The following SH3PXD2A variants were observed in gnomAD, a reference collection of about 807,000 sequenced individuals.
The protein encoded by SH3PXD2A is SH3 and PX domains 2A.
SH3PXD2A carries 32 observed loss-of-function variants against 115.2 expected under a neutral mutation model. The observed-to-expected ratio is 0.28, with a 90% CI of 0.21 to 0.37. The LOEUF (loss-of-function observed/expected upper bound fraction) is 0.37. SH3PXD2A is among the 10% of genes least tolerant of loss of function. The pLI is 1.00. For missense variants in SH3PXD2A, 1,328 were observed against 1,498.7 expected (o/e 0.89, Z 1.88); for synonymous variants, 610 against 629.1 (o/e 0.97, Z 0.45).
At chr10:103,836,583 C>A in intron 1 of SH3PXD2A, among the ~76,000 whole-genome samples, 1 of 151,722 alleles carries the variant, frequency 6.6e-6, no homozygotes, top group East Asian at 1.9e-4. Context: ...ACACATCCAA[C>A]ACACACAGTC....
At chr10:103,663,726 G>A (rs1429894069) in intron 7 of SH3PXD2A, among the ~76,000 whole-genome samples, 1 of 152,238 alleles carries the variant, frequency 6.6e-6, no homozygotes. Flanking sequence ...ACCTAGGGCA[G>A]ACGGCAATGG....
At chr10:103,834,199 C>T (rs2134307646) in intron 1 of SH3PXD2A, among the ~76,000 whole-genome samples, 1 of 152,336 alleles carries the variant, frequency 6.6e-6, no homozygotes, top group Non-Finnish European at 1.5e-5. Context: ...AGAGGCCAGC[C>T]CTGCAAGGGC....
intron 3 of SH3PXD2A, among the ~76,000 whole-genome samples, chr10:103,761,196 AT>A (rs1177598169): frequency 6.6e-6 from 1 of 152,192 alleles, no homozygotes; most frequent in East Asian, 1.9e-4. Flanking sequence ...TTGTGCCAAT[AT>A]TAATTTCCTG....
chr10:103,609,680 T>A (rs1162199217), intron 13 of SH3PXD2A: 1 of 152,188 alleles, frequency 6.6e-6, no homozygotes, highest in Non-Finnish European at 1.5e-5. Context: ...GATTGTATAT[T>A]TTTGCTTCAA....
intron 5 of SH3PXD2A, among the ~76,000 whole-genome samples, chr10:103,707,186 A>G (rs980592106): frequency 2.7e-5 from 4 of 149,222 alleles, no homozygotes; most frequent in Non-Finnish European, 5.9e-5. Context: ...TAGCCATGGC[A>G]CTATATATTT....
intron 6 of SH3PXD2A, among the ~76,000 whole-genome samples, chr10:103,687,994 G>A (rs1200026072): frequency 6.6e-6 from 1 of 152,114 alleles, no homozygotes; most frequent in Non-Finnish European, 1.5e-5. Flanking sequence ...CCATCTAATA[G>A]TACATTCTTC....
At chr10:103,768,894 G>A (rs1280192959) in intron 2 of SH3PXD2A, among the ~76,000 whole-genome samples, 1 of 152,092 alleles carries the variant, frequency 6.6e-6, no homozygotes, top group Admixed American at 6.5e-5. Context: ...AAGGGGAGTG[G>A]GCATGTGCAG....
intron 5 of SH3PXD2A, among the ~76,000 whole-genome samples, chr10:103,710,152 G>T (rs1024078176): frequency 3.3e-5 from 5 of 151,776 alleles, no homozygotes; most frequent in African/African-American, 1.2e-4. Context: ...CAGCACTTTG[G>T]GAGGCCAAGG....
chr10:103,760,904 A>G (rs2038693650), intron 3 of SH3PXD2A, among the ~76,000 whole-genome samples: 1 of 152,176 alleles, frequency 6.6e-6, no homozygotes. Context: ...TTGCTTTGCA[A>G]CAGGATTTAT....
chr10:103,732,864 C>G (rs994378392), intron 4 of SH3PXD2A, among the ~76,000 whole-genome samples: 1 of 152,170 alleles, frequency 6.6e-6, no homozygotes, highest in African/African-American at 2.4e-5. Context: ...GGACTGCACA[C>G]GGCACTGTGC....
intron 2 of SH3PXD2A, among the ~76,000 whole-genome samples, chr10:103,800,690 G>A (rs2039138386): frequency 6.6e-6 from 1 of 152,156 alleles, no homozygotes; most frequent in Non-Finnish European, 1.5e-5. Flanking sequence ...GGCATCAAGG[G>A]GGGTGTCTGC....
chr10:103,608,592 T>G (rs1272627295), intron 13 of SH3PXD2A: 1 of 151,188 alleles, frequency 6.6e-6, no homozygotes, highest in African/African-American at 2.4e-5. Flanking sequence ...GTGATTTTTC[T>G]TCATCAAAAT....
In SH3PXD2A at chr10:103,602,377, G is replaced by A. The variant is rs1250577687; in HGVS notation, c.2841C>T (p.Pro947=). 1.9e-6 allele frequency: 3 copies of A among 1,613,750 alleles called. No individual in the cohort carries two copies. The highest frequency in any genetic ancestry group is 2.5e-6 in the Non-Finnish European group (3 of 1,179,954). The change falls in exon 15 of 15, where the codon CCC becomes CCT. Residue 947 remains proline, a synonymous_variant. Coordinates refer to ENST00000369774, the MANE Select transcript of SH3PXD2A (RefSeq NM_001394015.1). ...NTVNQSKKAT[P]PIPSKPPGGF... Reference sequence around the variant, plus strand: ...CCCCGGGAGGTTTGGAGGGGATGGGGGGCGTGGCCTTCTTGCTCTGGTTGA... The same window carrying A: ...CCCCGGGAGGTTTGGAGGGGATGGGAGGCGTGGCCTTCTTGCTCTGGTTGA...
chr10:103,735,716 CCAGATACACTCTCA>C lies in SH3PXD2A; in HGVS notation c.306+2_306+15del. ...CCCTCCCCGAGCCCCTCCCCCAGCC[CCAGATACACTCTCA>C]CCCGGCAGTATTCATCGATGGGCTT... On this transcript the variant is annotated splice_donor_variant and splice_donor_5th_base_variant and intron_variant, in intron 4 of 14. Coordinates refer to ENST00000369774, the MANE Select transcript of SH3PXD2A (RefSeq NM_001394015.1). LOFTEE classifies it high-confidence loss of function. 6.3e-7 allele frequency: 1 copy of C among 1,594,190 alleles called. No individual in the cohort carries two copies. Among genetic ancestry groups the C allele is most frequent in the Non-Finnish European group, 8.6e-7 (1 of 1,162,790 alleles).
chr10:103,794,564 G>A (rs759765624), intron 2 of SH3PXD2A, among the ~76,000 whole-genome samples: 3 of 152,168 alleles, frequency 2.0e-5, no homozygotes, highest in Non-Finnish European at 4.4e-5. Flanking sequence ...CTGGAAACGT[G>A]GTCCAGCCAC....
chr10:103,719,215 G>A (rs187076745), intron 5 of SH3PXD2A, among the ~76,000 whole-genome samples: 117 of 152,368 alleles, frequency 7.7e-4, no homozygotes, highest in African/African-American at 2.1e-3. Flanking sequence ...GGCTGAGGCC[G>A]GTACCCACCT....
At chr10:103,638,902 G>A (rs1478336846) in intron 8 of SH3PXD2A, among the ~76,000 whole-genome samples, 1 of 152,188 alleles carries the variant, frequency 6.6e-6, no homozygotes, top group African/African-American at 2.4e-5. Flanking sequence ...AGAGACCCTC[G>A]TGGTGTCAGT....
intron 6 of SH3PXD2A, among the ~76,000 whole-genome samples, chr10:103,685,860 C>T (rs890449913): frequency 6.6e-6 from 1 of 152,204 alleles, no homozygotes; most frequent in Non-Finnish European, 1.5e-5. Flanking sequence ...GAGTCTACGC[C>T]CTGTCGTCCC....
rs1464438796 is a variant in SH3PXD2A, at chr10:103,746,545, C to T, written c.230-10737G>A. On this transcript the variant is annotated intron_variant, in intron 3 of 14. Transcript: ENST00000369774. This position sits in a 1 kb window ranked among gnomAD's most constrained non-coding sequence, Gnocchi z 4.4. ...CCATGTAGCCCAGGCTGGTTTTAAA[C>T]TCCTGGGCTCAAGCGATCCTCCCAG... Among the ~76,000 whole-genome samples, 3 of 152,270 alleles carry T rather than the reference C, an allele frequency of 2.0e-5. No individual in the cohort carries two copies. Among genetic ancestry groups the T allele is most frequent in the South Asian group, 2.1e-4 (1 of 4,826 alleles).
Sources: gnomAD v4.1 joint callset for allele counts (sites outside exome capture counted in the v4.1 genomes callset) on GRCh38, gnomAD v4.1.1 for gene constraint, Gnocchi (gnomAD v3.1) non-coding constraint, MANE v1.5 for transcripts, NCBI Gene and HGNC (gene_info 2026-07-23, HGNC 2026-07-21) for gene names.